WRN: variants seen among roughly 807,000 people sequenced by gnomAD.
WRN encodes the protein WRN RecQ like helicase.
In WRN, 149 loss-of-function variants were observed where a neutral mutation model predicts 180.7. That is an observed-to-expected ratio of 0.82 (90% CI 0.72 to 0.94). The LOEUF (loss-of-function observed/expected upper bound fraction) is 0.94. Among genes scored for constraint, WRN ranks in the 40% least tolerant of loss-of-function variants. The probability of loss-of-function intolerance (pLI) is 0.00; values close to 1 mark genes in which losing one functional copy is unlikely to be tolerated. For synonymous variants in WRN, 548 were observed against 568.9 expected, an observed-to-expected ratio of 0.96 and a Z score of 0.52; for missense variants, 1,661 against 1,700.1, an observed-to-expected ratio of 0.98 and a Z score of 0.40.
At chr8:31,143,055 A>ATTCT (rs36006167) in intron 27 of WRN, among the ~76,000 whole-genome samples, 2 of 19,106 alleles carry the variant, frequency 1.0e-4, no homozygotes, top group East Asian at 3.9e-3. Context: ...ACACACACAC[A>ATTCT]TTCTCTCTCT....
intron 10 of WRN, among the ~76,000 whole-genome samples, chr8:31,084,417 TA>T (rs970959358): frequency 6.6e-6 from 1 of 152,138 alleles, no homozygotes; most frequent in Non-Finnish European, 1.5e-5. Flanking sequence ...AACTTTTTTT[TA>T]AAAAAAGAAC....
chr8:31,090,649 T>C, intron 14 of WRN, 117 bp downstream of exon 14: 1 of 1,181,554 alleles, frequency 8.5e-7, no homozygotes, highest in Non-Finnish European at 1.2e-6. Context: ...TGATGTAAAC[T>C]ATAGAAGAGA....
intron 23 of WRN, among the ~76,000 whole-genome samples, chr8:31,127,547 C>CT (rs1554529741): frequency 1.6e-4 from 1 of 6,066 alleles, no homozygotes; most frequent in African/African-American, 1.8e-4. Context: ...ATGACAAATA[C>CT]TTCTTCACTA....
rs11574284 is a variant in WRN, at chr8:31,110,974, C to G, written c.2089-641C>G. On this transcript the variant is annotated intron_variant, in intron 18 of 34. Transcript: ENST00000298139. The stretch of plus-strand genomic sequence containing the variant: ...CCTGATAACTGCTGAGTCTCCTGCT[C>G]TGTCTGCCAATCCAGTCAAGAAGCC... 5.4e-3 allele frequency among the ~76,000 whole-genome samples: 826 copies of G among 152,292 alleles called. 7 individuals are homozygous for G. The highest frequency in any genetic ancestry group is 0.019 in the African/African-American group (798 of 41,570).
At chr8:31,094,710 T>C (rs1244865430) in intron 16 of WRN, among the ~76,000 whole-genome samples, 1 of 152,208 alleles carries the variant, frequency 6.6e-6, no homozygotes, top group Non-Finnish European at 1.5e-5. Flanking sequence ...ATTTGCCTAT[T>C]CTGGATGTTT....
At chr8:31,050,584 A>T (rs1185151379) in intron 1 of WRN, among the ~76,000 whole-genome samples, 3 of 147,286 alleles carry the variant, frequency 2.0e-5, no homozygotes, top group African/African-American at 7.6e-5. Context: ...ATTTCTTTCC[A>T]CTCTACTTCC....
chr8:31,167,348 T>C (rs754669632), intron 34 of WRN, 118 bp downstream of exon 34: 3 of 841,386 alleles, frequency 3.6e-6, no homozygotes, highest in Non-Finnish European at 5.6e-6. Flanking sequence ...ACTTTCTCTA[T>C]GTGCTACATT....
At chr8:31,099,828 T>C (rs550443169) in intron 17 of WRN, among the ~76,000 whole-genome samples, 1 of 152,292 alleles carries the variant, frequency 6.6e-6, no homozygotes, top group African/African-American at 2.4e-5. Context: ...ATGTGAATGA[T>C]ATAATTTAAT....
At chr8:31,068,355 G>C (rs1279852084) in intron 7 of WRN, 28 bp downstream of exon 7, 1 of 1,555,586 alleles carries the variant, frequency 6.4e-7, no homozygotes, top group South Asian at 1.1e-5. Flanking sequence ...AATAAAATGT[G>C]AATTCACTCT....
chr8:31,130,537 T>G (rs562457108), intron 23 of WRN, among the ~76,000 whole-genome samples: 5 of 152,142 alleles, frequency 3.3e-5, no homozygotes, highest in Admixed American at 2.0e-4. Flanking sequence ...AACTTCTAAA[T>G]CTATTTAAAT....
chr8:31,064,761 T>G (rs1012707449), intron 4 of WRN, among the ~76,000 whole-genome samples, 154 bp from the exon 5 acceptor site: 1 of 152,234 alleles, frequency 6.6e-6, no homozygotes. Flanking sequence ...CAGGACTGTT[T>G]GCTTTAGTTA....
rs1187610003 is a variant in WRN at position 31,175,654 on chromosome 8, ACTCTT to A, written c.*2558_*2562del. On this transcript the variant is annotated 3_prime_UTR_variant, in exon 35 of 35. Transcript: ENST00000298139. ...CATTATCTGAACAGGCTATTAAAATACTCTTCTCTTTTCCAACTACGTGCCTGTGC... is the reference window on the plus strand; with the variant it reads ...CATTATCTGAACAGGCTATTAAAATACTCTTTTCCAACTACGTGCCTGTGC... 3.3e-5 allele frequency among the ~76,000 whole-genome samples: 5 copies of A among 152,112 alleles called. No individual in the cohort carries two copies. The highest frequency in any genetic ancestry group is 5.9e-5 in the Non-Finnish European group (4 of 68,022).
intron 19 of WRN, among the ~76,000 whole-genome samples, chr8:31,113,578 T>C (rs542942061): frequency 6.6e-6 from 1 of 152,300 alleles, no homozygotes; most frequent in East Asian, 1.9e-4. Flanking sequence ...CCTCCTAATC[T>C]TTGATCCTGT....
At chr8:31,067,918 C>A (rs946345877) in intron 6 of WRN, among the ~76,000 whole-genome samples, 1 of 152,078 alleles carries the variant, frequency 6.6e-6, no homozygotes, top group Admixed American at 6.6e-5. Context: ...AAAGATACCG[C>A]CAAACTTGAG....
At chr8:31,101,777 A>G (rs1268768789) in intron 18 of WRN, among the ~76,000 whole-genome samples, 4 of 145,284 alleles carry the variant, frequency 2.8e-5, no homozygotes, top group African/African-American at 1.0e-4. Flanking sequence ...ACAAGAGCGA[A>G]ACTCTGTCTC....
In WRN at chr8:31,143,064, C is replaced by CACATACAT. The variant is rs1489579629; in HGVS notation, c.3309+363_3309+364insACATACAT. Among the ~76,000 whole-genome samples, 485 of 132,788 alleles carry CACATACAT rather than the reference C, an allele frequency of 3.7e-3. 3 individuals carry two copies. The highest frequency in any genetic ancestry group is 0.012 in the African/African-American group (443 of 35,894). 87.1% of individuals were successfully genotyped at this position (132,788 alleles called of 152,430 possible). ...ACACACACACACACACATTCTCTCT[C>CACATACAT]TCTCTCTCTCACACACACACACATG... On this transcript the variant is annotated intron_variant, in intron 27 of 34. Coordinates refer to ENST00000298139, the MANE Select transcript of WRN (RefSeq NM_000553.6).
chr8:31,126,709 C>A (rs774518657), intron 23 of WRN, among the ~76,000 whole-genome samples: 1 of 151,862 alleles, frequency 6.6e-6, no homozygotes, highest in Non-Finnish European at 1.5e-5. Flanking sequence ...GACCCTATGT[C>A]AAAAAAATTT....
At chr8:31,118,416 A>G (rs932853114) in intron 20 of WRN, among the ~76,000 whole-genome samples, 5 of 152,028 alleles carry the variant, frequency 3.3e-5, no homozygotes, top group Admixed American at 1.3e-4. Context: ...AAAGAATTCA[A>G]AAGCTTCATA....
intron 34 of WRN, among the ~76,000 whole-genome samples, chr8:31,172,130 A>G (rs1043488946): frequency 1.3e-5 from 2 of 150,642 alleles, no homozygotes; most frequent in Non-Finnish European, 3.0e-5. Context: ...TTGTACCCAA[A>G]CACTACCTTT....
Sources: gnomAD v4.1 joint callset for allele counts (sites outside exome capture counted in the v4.1 genomes callset) on GRCh38, gnomAD v4.1.1 for gene constraint, MANE v1.5 for transcripts, NCBI Gene and HGNC (gene_info 2026-07-23, HGNC 2026-07-21) for gene names.